The following CNBD1 variants were observed in gnomAD, a reference collection of about 807,000 sequenced individuals.
CNBD1 encodes cyclic nucleotide binding domain containing 1, also known as cyclic nucleotide-binding domain-containing protein 1.
In CNBD1, 71 loss-of-function variants were observed where a neutral mutation model predicts 54.4. That is an observed-to-expected ratio of 1.30 (90% CI 1.08 to 1.59). The LOEUF is 1.59. Ranked by LOEUF, CNBD1 falls within the 40% of genes most tolerant of loss-of-function variation. The pLI is 0.00. For synonymous variants in CNBD1, 182 were observed against 170.7 expected (o/e 1.07, Z -0.51); for missense variants, 659 against 518.0 (o/e 1.27, Z -2.64).
In CNBD1 at chr8:87,255,997, ATATATATATATATATATATTTTTTT is replaced by A. The variant is rs1162922319; in HGVS notation, c.771+18887_771+18911del. On this transcript the variant is annotated intron_variant, in intron 6 of 10. Coordinates refer to ENST00000518476, the MANE Select transcript of CNBD1 (RefSeq NM_173538.3). The stretch of plus-strand genomic sequence containing the variant: ...AATATATATATATATATATATATAT[ATATATATATATATATATATTTTTTT>A]TTTTTTTTTTTTTTTTTTGAGACAG... Among the ~76,000 whole-genome samples, 29 of 14,784 alleles carry A rather than the reference ATATATATATATATATATATTTTTTT, an allele frequency of 2.0e-3. 1 individual carries two copies. The highest frequency in any genetic ancestry group is 6.8e-3 in the South Asian group (3 of 440). The allele number at this position is 14,784 out of a possible 152,430, so 9.7% of individuals were successfully genotyped here. A position where few individuals can be genotyped will look rare whatever the true frequency, so the allele number is the denominator to read the frequency against.
intron 6 of CNBD1, among the ~76,000 whole-genome samples, chr8:87,270,754 T>A (rs958144661): frequency 1.3e-5 from 2 of 151,828 alleles, no homozygotes; most frequent in East Asian, 1.9e-4. Flanking sequence ...GTGTGGGTAA[T>A]GCTGACCTTA....
At chr8:87,034,141 T>C (rs1381636842) in intron 4 of CNBD1, among the ~76,000 whole-genome samples, 1 of 152,254 alleles carries the variant, frequency 6.6e-6, no homozygotes, top group Non-Finnish European at 1.5e-5. Context: ...TATTCATTTA[T>C]CTTGAAATGT....
At chr8:86,931,436 A>G (rs572458997) in intron 3 of CNBD1, among the ~76,000 whole-genome samples, 1 of 152,042 alleles carries the variant, frequency 6.6e-6, no homozygotes, top group South Asian at 2.1e-4. Flanking sequence ...TTGCCTCGGC[A>G]TAGTGGACAT....
intron 5 of CNBD1, among the ~76,000 whole-genome samples, chr8:87,209,136 A>C (rs1309897870): frequency 1.3e-5 from 2 of 152,096 alleles, no homozygotes; most frequent in Non-Finnish European, 1.5e-5. Context: ...CTCATCAAGA[A>C]AAAAAGGAGA....
At chr8:86,993,033 G>C (rs781663694) in intron 4 of CNBD1, among the ~76,000 whole-genome samples, 2 of 152,092 alleles carry the variant, frequency 1.3e-5, no homozygotes, top group African/African-American at 4.8e-5. Context: ...CATGGACCAT[G>C]TCTTCAAATA....
At chr8:87,117,514 A>G (rs1811800131) in intron 4 of CNBD1, among the ~76,000 whole-genome samples, 1 of 152,166 alleles carries the variant, frequency 6.6e-6, no homozygotes, top group African/African-American at 2.4e-5. Context: ...AGCCAAGAGA[A>G]ACTGAGAGCA....
chr8:86,933,586 A>T (rs1809493524), intron 3 of CNBD1, among the ~76,000 whole-genome samples: 1 of 152,158 alleles, frequency 6.6e-6, no homozygotes, highest in African/African-American at 2.4e-5. Flanking sequence ...ATGAAAACCA[A>T]GAGAATACTA....
At position 87,038,660 on chromosome 8, in the gene CNBD1, G is replaced by A. The variant is rs544849059; in HGVS notation, c.431+98906G>A. Among the ~76,000 whole-genome samples, 61 of 152,278 alleles carry A rather than the reference G, an allele frequency of 4.0e-4. No homozygotes were observed. In the South Asian group the frequency reaches 0.012, roughly 31 times the overall value. ...TTCAGGCTCCTCACATCTTCCTAATGTATTGGCCATTCATTACCTTTACAA... is the reference window on the plus strand; with the variant it reads ...TTCAGGCTCCTCACATCTTCCTAATATATTGGCCATTCATTACCTTTACAA... On this transcript the variant is annotated intron_variant, in intron 4 of 10. Coordinates refer to ENST00000518476, the MANE Select transcript of CNBD1 (RefSeq NM_173538.3).
intron 7 of CNBD1, 79 bp from the exon 8 acceptor site, chr8:87,286,460 C>A: frequency 1.2e-6 from 1 of 840,222 alleles, no homozygotes; most frequent in Admixed American, 2.5e-5. Context: ...TTTTACTTCT[C>A]TCACCATTTA....
intron 4 of CNBD1, among the ~76,000 whole-genome samples, chr8:87,007,022 C>T (rs1809116660): frequency 6.6e-6 from 1 of 152,098 alleles, no homozygotes; most frequent in South Asian, 2.1e-4. Flanking sequence ...CATGGCAAAA[C>T]TCTGTCTCTA....
In CNBD1 at chr8:87,394,082, G is replaced by A. The variant is rs150484703; in HGVS notation, c.214-34464G>A. Among the ~76,000 whole-genome samples, 144 of 151,928 alleles carry A rather than the reference G, an allele frequency of 9.5e-4. 1 individual carries two copies. Among genetic ancestry groups the A allele is most frequent in the African/African-American group, 3.3e-3 (137 of 41,518 alleles). ...TTAAAAGGTACATGCTTATTTCTATGGACATGATCACAGGCTATATTTTGC... is the reference window on the plus strand; with the variant it reads ...TTAAAAGGTACATGCTTATTTCTATAGACATGATCACAGGCTATATTTTGC... On this transcript the variant is annotated intron_variant, in intron 2 of 7. Coordinates refer to the CNBD1 transcript ENST00000521593.
intron 2 of CNBD1, among the ~76,000 whole-genome samples, chr8:87,407,270 A>C (rs532566529): frequency 6.6e-6 from 1 of 152,246 alleles, no homozygotes; most frequent in African/African-American, 2.4e-5. Flanking sequence ...ACAGTATATC[A>C]TTTAATATAT....
intron 1 of CNBD1, among the ~76,000 whole-genome samples, chr8:86,885,577 T>A (rs954718270): frequency 6.6e-6 from 1 of 152,166 alleles, no homozygotes; most frequent in East Asian, 1.9e-4. Flanking sequence ...TGTATTAAAT[T>A]TGATCACAAG....
chr8:87,403,047 T>C (rs980739682), intron 2 of CNBD1, among the ~76,000 whole-genome samples: 2 of 152,068 alleles, frequency 1.3e-5, no homozygotes, highest in Non-Finnish European at 2.9e-5. Flanking sequence ...ATTGAATTTA[T>C]TGCTTTCTTA....
intron 10 of CNBD1, among the ~76,000 whole-genome samples, chr8:87,361,889 TC>T (rs1810531180): frequency 6.6e-6 from 1 of 151,902 alleles, no homozygotes; most frequent in South Asian, 2.1e-4. Context: ...AAAAGAACTT[TC>T]TTTAAATGAA....
chr8:87,396,980 A>G (rs953943332), intron 2 of CNBD1, among the ~76,000 whole-genome samples: 1 of 150,604 alleles, frequency 6.6e-6, no homozygotes, highest in East Asian at 2.0e-4. Flanking sequence ...TGAATCACGT[A>G]TAACTAATTT....
chr8:86,914,110 T>C (rs553920098), intron 3 of CNBD1, among the ~76,000 whole-genome samples: 3 of 152,196 alleles, frequency 2.0e-5, no homozygotes, highest in South Asian at 4.1e-4. Flanking sequence ...AGATTTGTTA[T>C]TGTTCAAACA....
chr8:87,405,135 C>T (rs183066109), intron 2 of CNBD1, among the ~76,000 whole-genome samples: 97 of 152,098 alleles, frequency 6.4e-4, no homozygotes, highest in African/African-American at 2.2e-3. Context: ...ACTTAATATA[C>T]TCAACCATTG....
intron 6 of CNBD1, among the ~76,000 whole-genome samples, chr8:87,262,840 AC>A (rs1265760059): frequency 1.3e-5 from 2 of 152,142 alleles, no homozygotes; most frequent in Admixed American, 1.3e-4. Context: ...ACTTTTATAG[AC>A]AGTTTTAACA....
Sources: allele counts gnomAD v4.1 joint callset (sites outside exome capture counted in the v4.1 genomes callset), GRCh38; gene constraint gnomAD v4.1.1; transcripts MANE v1.5; gene names NCBI Gene and HGNC (gene_info 2026-07-23, HGNC 2026-07-21).